LAMC2: variants seen among roughly 807,000 people sequenced by gnomAD.
The protein encoded by LAMC2 is laminin subunit gamma 2.
In LAMC2, 97 loss-of-function variants were observed where a neutral mutation model predicts 140.2. That is an observed-to-expected ratio of 0.69 (90% CI 0.59 to 0.82). The LOEUF (loss-of-function observed/expected upper bound fraction) is 0.82, where lower values mean the gene tolerates loss of function less well. Among genes scored for constraint, LAMC2 ranks in the 40% least tolerant of loss-of-function variants. LAMC2 has a pLI of 0.00. For missense variants in LAMC2, 1,402 were observed against 1,476.1 expected, an observed-to-expected ratio of 0.95 and a Z score of 0.82; for synonymous variants, 513 against 540.2, an observed-to-expected ratio of 0.95 and a Z score of 0.70.
At chr1:183,191,554 T>C (rs1172489287) in intron 1 of LAMC2, among the ~76,000 whole-genome samples, 2 of 150,866 alleles carry the variant, frequency 1.3e-5, no homozygotes, top group Non-Finnish European at 2.9e-5. Context: ...ACTTGAATCA[T>C]CTATTAGAGA....
chr1:183,239,816 G>A lies in LAMC2; in HGVS notation c.3070-224G>A. On this transcript the variant is annotated intron_variant, in intron 20 of 22. Transcript: ENST00000264144. ...TGGTGAGCATTGAACTGAGAGAGAA[G>A]CACTGTCTGGCCGCTGACCTTCCTA... 4 of 650,358 alleles carry A rather than the reference G, an allele frequency of 6.2e-6. No individual in the cohort carries two copies. In the South Asian group the frequency reaches 7.5e-5, roughly 12 times the overall value. 40.3% of individuals were successfully genotyped at this position (650,358 alleles called of 1,614,324 possible).
At chr1:183,236,332 T>G in intron 16 of LAMC2, 128 bp from the exon 17 acceptor site, 4 of 835,796 alleles carry the variant, frequency 4.8e-6, no homozygotes, top group Non-Finnish European at 7.5e-6. Flanking sequence ...GAGGCTATAG[T>G]GAGCTGTGAT....
chr1:183,237,587 A>G lies in LAMC2; in HGVS notation c.2754+83A>G, dbSNP rs897964126. The G allele has an allele frequency of 3.2e-5, 42 of 1,324,182 alleles. No individual in the cohort carries two copies. The African/African-American group carries it at 6.1e-4, about 19-fold the overall frequency. 82.0% of individuals were successfully genotyped at this position (1,324,182 alleles called of 1,614,324 possible). ...ATAAATATGGCAAGAAGAATAATCA[A>G]AAGCTCTCTGACCAGGCACGGTGAC... On this transcript the variant is annotated intron_variant, in intron 18 of 22. Transcript: ENST00000264144.
intron 20 of LAMC2, 187 bp from the exon 21 acceptor site, chr1:183,239,853 A>G: frequency 1.4e-6 from 1 of 713,718 alleles, no homozygotes; most frequent in Admixed American, 2.2e-5. Context: ...TCATACCCCC[A>G]GATTAGCTTG....
intron 22 of LAMC2, chr1:183,241,239 C>A: frequency 1.2e-6 from 1 of 862,950 alleles, no homozygotes; most frequent in Non-Finnish European, 1.4e-6. Context: ...CAGAGCAAGA[C>A]TGTCTCAAAA....
chr1:183,254,241 G>A, the LAMC2 span, among the ~76,000 whole-genome samples: 7 of 152,074 alleles, frequency 4.6e-5, no homozygotes, highest in African/African-American at 1.7e-4. Context: ...CACCCTCATC[G>A]ACATTTGTTA....
Position 183,226,753 on chromosome 1 carries a change from C to T in LAMC2, c.1122C>T (p.Ala374=), listed in dbSNP as rs751825944. The T allele has an allele frequency of 2.5e-6, 4 of 1,614,214 alleles. No individual in the cohort carries two copies. The South Asian group carries it at 4.4e-5, about 18-fold the overall frequency. Residue 374 remains alanine, a synonymous_variant, in exon 9 of 23, where the codon GCC becomes GCT. Coordinates refer to ENST00000264144, the MANE Select transcript of LAMC2 (RefSeq NM_005562.3). ...TTTCAGCCCGCCCTGTCTCTGGAGC[C>T]CCAGCACCCTGGGTTGAACAGTGTA... The part of the protein sequence containing the change: ...TLISARPVSG[A]PAPWVEQCIC...
At chr1:183,198,784 G>A (rs1191164536) in intron 1 of LAMC2, among the ~76,000 whole-genome samples, 1 of 152,158 alleles carries the variant, frequency 6.6e-6, no homozygotes, top group Non-Finnish European at 1.5e-5. Context: ...TGAGGTGGCA[G>A]GCAGAAAGCA....
In LAMC2 at chr1:183,220,950, C is replaced by T. The variant is rs1659449833; in HGVS notation, c.629C>T (p.Thr210Ile). 2.5e-6 allele frequency: 4 copies of T among 1,614,124 alleles called. No homozygotes were observed. Among genetic ancestry groups the T allele is most frequent in the Non-Finnish European group, 2.5e-6 (3 of 1,179,984 alleles). Residue 210 changes from threonine to isoleucine, a missense_variant, in exon 5 of 23, where the codon ACC (threonine) becomes ATC (isoleucine). By Grantham distance (89) the Thr-to-Ile change is moderately conservative (BLOSUM62 -1). Coordinates refer to ENST00000264144, the MANE Select transcript of LAMC2 (RefSeq NM_005562.3). Reference sequence around the variant, plus strand: ...TACAGTGTCCATAAGATCACCTCTACCTTTCATCAAGGTAAAGCCTTCTAT... The same window carrying T: ...TACAGTGTCCATAAGATCACCTCTATCTTTCATCAAGGTAAAGCCTTCTAT... The part of the protein sequence containing the change: ...AEYSVHKITS[T>I]FHQDVDGWKA...
At chr1:183,240,548 G>C in intron 22 of LAMC2, 157 bp downstream of exon 22, 1 of 1,451,848 alleles carries the variant, frequency 6.9e-7, no homozygotes, top group Non-Finnish European at 9.0e-7. Flanking sequence ...CTTTCGGCAG[G>C]TTCCCTTACA....
rs1421918266 is a variant in LAMC2 at position 183,231,016 on chromosome 1, C to G, written c.1770C>G (p.Thr590=). The stretch of plus-strand genomic sequence containing the variant: ...CTGTAGGATGTCGAAGTGATGGCAC[C>G]TGTGTTTGCAAGCCAGGATTTGGTG... ...SEPVGCRSDG[T]CVCKPGFGGP... Residue 590 remains threonine (T), a synonymous_variant, in exon 12 of 23, where the codon ACC becomes ACG. Coordinates refer to ENST00000264144, the MANE Select transcript of LAMC2 (RefSeq NM_005562.3). The G allele has an allele frequency of 1.2e-6, 2 of 1,614,028 alleles. No individual in the cohort carries two copies. The highest frequency in any genetic ancestry group is 2.7e-5 in the African/African-American group (2 of 74,916).
At chr1:183,221,555 C>T (rs6677755) in intron 5 of LAMC2, among the ~76,000 whole-genome samples, 39,038 of 151,594 alleles carry the variant, frequency 0.26, 5,810 homozygotes, top group African/African-American at 0.39. Flanking sequence ...GGTGAAACCC[C>T]GTCCCTACTA....
chr1:183,232,406 G>T, intron 13 of LAMC2, 63 bp downstream of exon 13: 1 of 1,569,872 alleles, frequency 6.4e-7, no homozygotes, highest in South Asian at 1.1e-5. Flanking sequence ...GAATGGCTAC[G>T]TTAGGTCATA....
intron 8 of LAMC2, among the ~76,000 whole-genome samples, chr1:183,226,139 C>T (rs1409553782): frequency 2.2e-5 from 3 of 136,204 alleles, no homozygotes; most frequent in African/African-American, 2.8e-5. Flanking sequence ...CTATTAATTC[C>T]TTTTTTTTTT....
chr1:183,222,204 G>A lies in LAMC2; in HGVS notation c.756G>A (p.Val252=). ...SAQRLDPVYF[V]APAKFLGNQQ... ...AACGACTAGACCCTGTCTATTTTGT[G>A]GCTCCTGGTATGTGAGGAATAATGT... Residue 252 remains valine (V), a synonymous_variant, in exon 6 of 23, where the codon GTG becomes GTA. Transcript: ENST00000264144. The A allele has an allele frequency of 6.2e-7, 1 of 1,614,134 alleles. No individual in the cohort carries two copies. Among genetic ancestry groups the A allele is most frequent in the Non-Finnish European group, 8.5e-7 (1 of 1,179,998 alleles).
chr1:183,221,236 A>G (rs1244895219), intron 5 of LAMC2, among the ~76,000 whole-genome samples: 1 of 152,214 alleles, frequency 6.6e-6, no homozygotes, highest in African/African-American at 2.4e-5. Context: ...ATCCCCATCT[A>G]TTTCAAAACC....
Position 183,201,316 on chromosome 1 carries a change from G to A in LAMC2, c.80-6565G>A, listed in dbSNP as rs528747594. On this transcript the variant is annotated intron_variant, in intron 1 of 22. Transcript: ENST00000264144. ...TCTGATTTTTTAAATTTTATTTTCC[G>A]ATGATGTGCAATATCTTAATGCCAG... Among the ~76,000 whole-genome samples the A allele has an allele frequency of 1.6e-4, 24 of 151,986 alleles. No homozygotes were observed. In the South Asian group the frequency reaches 3.6e-3, roughly 22 times the overall value.
chr1:183,209,398 G>C (rs1329616800), intron 2 of LAMC2, among the ~76,000 whole-genome samples: 1 of 152,160 alleles, frequency 6.6e-6, no homozygotes, highest in Non-Finnish European at 1.5e-5. Context: ...GAGTCTTATA[G>C]AAAACTGGGT....
chr1:183,195,809 A>G (rs978107838), intron 1 of LAMC2, among the ~76,000 whole-genome samples: 2 of 92,680 alleles, frequency 2.2e-5, no homozygotes, highest in Admixed American at 1.0e-4. Flanking sequence ...GGCCAGTTTA[A>G]ATGATGAAGG....
Sources: allele counts gnomAD v4.1 joint callset (sites outside exome capture counted in the v4.1 genomes callset), GRCh38; gene constraint gnomAD v4.1.1; transcripts MANE v1.5; gene names NCBI Gene and HGNC (gene_info 2026-07-23, HGNC 2026-07-21).